Variants in FGF12 observed in about 807,000 individuals in gnomAD.
FGF12 encodes the protein fibroblast growth factor 12B.
A neutral mutation model predicts 23.6 loss-of-function variants in FGF12; 14 were observed. That is an observed-to-expected ratio of 0.59 (90% CI 0.39 to 0.93). The LOEUF (loss-of-function observed/expected upper bound fraction) is 0.93, where lower values mean the gene tolerates loss of function less well. Ranked by LOEUF, FGF12 falls within the 40% of genes least tolerant of loss-of-function variation. The pLI, the probability that FGF12 is intolerant of heterozygous loss-of-function variation, is 0.00. For missense variants in FGF12, 175 were observed against 217.8 expected (o/e 0.80, Z 1.24); for synonymous variants, 62 against 77.3 (o/e 0.80, Z 1.04).
intron 4 of FGF12, among the ~76,000 whole-genome samples, chr3:192,327,924 A>G (rs553338370): frequency 1.3e-5 from 2 of 152,284 alleles, no homozygotes; most frequent in South Asian, 4.1e-4. Flanking sequence ...AAACTGCATT[A>G]TTTTTAAGTG....
At chr3:192,407,703 GAA>G (rs912927203) in intron 2 of FGF12, among the ~76,000 whole-genome samples, 1 of 139,086 alleles carries the variant, frequency 7.2e-6, no homozygotes, top group Admixed American at 6.8e-5. Flanking sequence ...GAGAGAGAGA[GAA>G]GAGATGAATG....
intron 2 of FGF12, among the ~76,000 whole-genome samples, chr3:192,393,297 C>A (rs983820217): frequency 2.6e-5 from 4 of 152,176 alleles, no homozygotes; most frequent in Admixed American, 6.5e-5. Flanking sequence ...AGTAAACTAG[C>A]CAGTGATTCA....
chr3:192,662,045 G>A (rs1009901174), intron 2 of FGF12, among the ~76,000 whole-genome samples: 1 of 152,156 alleles, frequency 6.6e-6, no homozygotes, highest in South Asian at 2.1e-4. Flanking sequence ...CAGCCTGAGT[G>A]GGCTTCCTTA....
At chr3:192,348,917 C>T (rs1718082929) in intron 3 of FGF12, among the ~76,000 whole-genome samples, 1 of 152,176 alleles carries the variant, frequency 6.6e-6, no homozygotes, top group Middle Eastern at 3.4e-3. Flanking sequence ...CTGTACTGAA[C>T]ATTTAGAAGG....
intron 4 of FGF12, among the ~76,000 whole-genome samples, chr3:192,175,088 GC>G: frequency 6.6e-6 from 1 of 152,230 alleles, no homozygotes; most frequent in East Asian, 1.9e-4. Flanking sequence ...ATAATCTAAA[GC>G]TTTTGGTAAA....
chr3:192,415,732 T>TA (rs1721328366), intron 2 of FGF12, among the ~76,000 whole-genome samples: 143 of 118,048 alleles, frequency 1.2e-3, no homozygotes, highest in African/African-American at 4.2e-3. Flanking sequence ...TCTCTCTCTC[T>TA]CACACACACA....
rs145100306 is a variant in FGF12, at chr3:192,497,319, T to C, written c.14-136781A>G. ...TCTTGACAGTTCTACCTTCAAAATATATTCCAAGTCAGACTATGTGTCACT... is the reference window on the plus strand; with the variant it reads ...TCTTGACAGTTCTACCTTCAAAATACATTCCAAGTCAGACTATGTGTCACT... On this transcript the variant is annotated intron_variant, in intron 2 of 5. Coordinates refer to ENST00000445105, the MANE Select transcript of FGF12 (RefSeq NM_004113.6). 1.2e-4 allele frequency among the ~76,000 whole-genome samples: 19 copies of C among 152,290 alleles called. No homozygotes were observed. The East Asian group carries it at 3.3e-3, about 26-fold the overall frequency.
rs188654794 is a variant in FGF12, at chr3:192,687,051, C to T, written c.13+40130G>A. ...TCACCATCTTAGCCAGGATGGTCTC[C>T]ATCTCCTGACCTCGTGATCTGCCCG... On this transcript the variant is annotated intron_variant, in intron 2 of 5. Coordinates refer to ENST00000445105, the MANE Select transcript of FGF12 (RefSeq NM_004113.6). Among the ~76,000 whole-genome samples the T allele has an allele frequency of 1.4e-3, 214 of 150,912 alleles. 3 individuals are homozygous for T. Among genetic ancestry groups the T allele is most frequent in the Admixed American group, 0.012 (176 of 15,190 alleles).
At chr3:192,344,196 C>T (rs1450260802) in intron 3 of FGF12, among the ~76,000 whole-genome samples, 1 of 152,142 alleles carries the variant, frequency 6.6e-6, no homozygotes, top group African/African-American at 2.4e-5. Context: ...AAACAAGCCA[C>T]TTTTTAAACC....
At chr3:192,386,193 C>T (rs1053498552) in intron 2 of FGF12, among the ~76,000 whole-genome samples, 2 of 152,208 alleles carry the variant, frequency 1.3e-5, no homozygotes, top group Non-Finnish European at 2.9e-5. Flanking sequence ...CACAGTTCCA[C>T]GCTGACTTCA....
chr3:192,506,456 C>T lies in FGF12; in HGVS notation c.14-145918G>A, dbSNP rs551028277. Among the ~76,000 whole-genome samples the T allele has an allele frequency of 4.5e-3, 678 of 152,254 alleles. 1 individual carries two copies. The highest frequency in any genetic ancestry group is 6.3e-3 in the Non-Finnish European group (426 of 68,022). ...CATGATCTCGGCTCACCGCAACCTT[C>T]GCCTCCCAGGTTCAAGCGATTCTCC... is the stretch of plus-strand genomic sequence containing the variant. On this transcript the variant is annotated intron_variant, in intron 2 of 5. Coordinates refer to ENST00000445105, the MANE Select transcript of FGF12 (RefSeq NM_004113.6).
At chr3:192,447,796 T>C (rs1722403988) in intron 2 of FGF12, among the ~76,000 whole-genome samples, 1 of 152,172 alleles carries the variant, frequency 6.6e-6, no homozygotes, top group South Asian at 2.1e-4. Context: ...ACACAAATCT[T>C]TTCTCTATGA....
At chr3:192,498,142 T>C (rs1724017645) in intron 2 of FGF12, among the ~76,000 whole-genome samples, 1 of 152,220 alleles carries the variant, frequency 6.6e-6, no homozygotes, top group African/African-American at 2.4e-5. Context: ...AACTGCAACT[T>C]GAATGATAAC....
intron 2 of FGF12, among the ~76,000 whole-genome samples, chr3:192,467,546 T>A (rs1462100049): frequency 6.7e-6 from 1 of 150,324 alleles, no homozygotes; most frequent in South Asian, 2.1e-4. Context: ...TTATATGGAA[T>A]TACCATAATT....
intron 2 of FGF12, among the ~76,000 whole-genome samples, chr3:192,412,668 T>G (rs1326531919): frequency 6.6e-6 from 1 of 152,232 alleles, no homozygotes; most frequent in African/African-American, 2.4e-5. Context: ...AGAAGTTAGC[T>G]AAGACCTAAA....
chr3:192,435,385 A>G (rs1466860617), intron 2 of FGF12, among the ~76,000 whole-genome samples: 1 of 152,218 alleles, frequency 6.6e-6, no homozygotes, highest in Non-Finnish European at 1.5e-5. Flanking sequence ...AAGAGACAGG[A>G]GAGCTTAGCA....
At chr3:192,647,025 C>T (rs915282834) in intron 2 of FGF12, among the ~76,000 whole-genome samples, 8 of 151,974 alleles carry the variant, frequency 5.3e-5, no homozygotes, top group African/African-American at 1.4e-4. Context: ...TTGTCTTCAA[C>T]GAGTTGTGGC....
intron 4 of FGF12, among the ~76,000 whole-genome samples, chr3:192,286,935 A>G (rs1714477968): frequency 6.6e-6 from 1 of 152,020 alleles, no homozygotes; most frequent in Non-Finnish European, 1.5e-5. Flanking sequence ...TGTTTTCTTC[A>G]GGGTTTACAT....
intron 4 of FGF12, among the ~76,000 whole-genome samples, chr3:192,204,077 G>A (rs1451978119): frequency 6.6e-6 from 1 of 152,188 alleles, no homozygotes; most frequent in South Asian, 2.1e-4. Flanking sequence ...TCCAACCAAT[G>A]ATAGATGGCA....
Sources: gnomAD v4.1 joint callset for allele counts (sites outside exome capture counted in the v4.1 genomes callset) on GRCh38, gnomAD v4.1.1 for gene constraint, MANE v1.5 for transcripts, NCBI Gene and HGNC (gene_info 2026-07-23, HGNC 2026-07-21) for gene names.